Variants in DNAJC24 observed in about 807,000 individuals in gnomAD.
DNAJC24 encodes the protein DnaJ heat shock protein family (Hsp40) member C24.
In DNAJC24, 17 loss-of-function variants were observed where a neutral mutation model predicts 18.0. The observed-to-expected ratio is 0.94, with a 90% CI of 0.65 to 1.42. The LOEUF (loss-of-function observed/expected upper bound fraction) is 1.42, where lower values mean the gene tolerates loss of function less well. Ranked by LOEUF, DNAJC24 falls within the 40% of genes most tolerant of loss-of-function variation. The pLI is 0.00. For synonymous variants in DNAJC24, 55 were observed against 57.7 expected (o/e 0.95, Z 0.21); for missense variants, 158 against 175.6 (o/e 0.90, Z 0.57).
chr11:31,405,442 C>T (rs1011246977), intron 2 of DNAJC24, among the ~76,000 whole-genome samples: 21 of 150,950 alleles, frequency 1.4e-4, no homozygotes, highest in African/African-American at 5.1e-4. Flanking sequence ...CTGTCTTAGT[C>T]CATTTCATGC....
chr11:31,401,817 G>A (rs1952603682), intron 2 of DNAJC24, among the ~76,000 whole-genome samples: 1 of 152,168 alleles, frequency 6.6e-6, no homozygotes, highest in Non-Finnish European at 1.5e-5. Flanking sequence ...GGCCACATAA[G>A]CACACTGAAA....
chr11:31,376,630 A>C (rs911997946), intron 2 of DNAJC24, among the ~76,000 whole-genome samples: 3 of 152,244 alleles, frequency 2.0e-5, no homozygotes, highest in African/African-American at 7.2e-5. Context: ...ACACAGAATT[A>C]GTAAGGGTTA....
chr11:31,389,495 C>G (rs1952466578), intron 2 of DNAJC24, among the ~76,000 whole-genome samples: 2 of 152,118 alleles, frequency 1.3e-5, no homozygotes, highest in African/African-American at 4.8e-5. Flanking sequence ...ATATCTAGAG[C>G]AGCCAGATAT....
At chr11:31,376,848 A>G (rs1173125761) in intron 2 of DNAJC24, among the ~76,000 whole-genome samples, 3 of 152,180 alleles carry the variant, frequency 2.0e-5, no homozygotes, top group African/African-American at 7.2e-5. Flanking sequence ...TAATTTTGAA[A>G]GGATCTAGAT....
intron 2 of DNAJC24, among the ~76,000 whole-genome samples, chr11:31,393,790 T>A (rs1479114972): frequency 1.3e-5 from 2 of 152,172 alleles, no homozygotes; most frequent in Non-Finnish European, 2.9e-5. Flanking sequence ...TAAGACAAGG[T>A]GTAAATTAAT....
chr11:31,385,546 A>G (rs752204126), intron 2 of DNAJC24, among the ~76,000 whole-genome samples: 5 of 152,226 alleles, frequency 3.3e-5, no homozygotes, highest in African/African-American at 4.8e-5. Context: ...ATTGACTCCA[A>G]TCCCCCTGGG....
At position 31,432,695 on chromosome 11, in the gene DNAJC24, G is replaced by A; in HGVS notation, c.*2294G>A. ...CACTTTCTCCTTACTCATCAATCAAGAATAAAATTTTCTACATCAAAGTAA... is the reference window on the plus strand; with the variant it reads ...CACTTTCTCCTTACTCATCAATCAAAAATAAAATTTTCTACATCAAAGTAA... On this transcript the variant is annotated 3_prime_UTR_variant, in exon 5 of 5. Transcript: ENST00000465995. The A allele has an allele frequency of 7.8e-6, 5 of 642,924 alleles. No individual in the cohort carries two copies. The highest frequency in any genetic ancestry group is 2.1e-5 in the South Asian group (1 of 48,212). 39.8% of individuals were successfully genotyped at this position (642,924 alleles called of 1,614,324 possible).
chr11:31,414,768 G>A, intron 2 of DNAJC24, 43 bp from the exon 3 acceptor site: 1 of 1,565,816 alleles, frequency 6.4e-7, no homozygotes, highest in East Asian at 2.3e-5. Context: ...ACCCCACTCA[G>A]CTCTCTCTAC....
chr11:31,420,759 T>C (rs940797401), intron 3 of DNAJC24, among the ~76,000 whole-genome samples: 3 of 152,144 alleles, frequency 2.0e-5, no homozygotes, highest in African/African-American at 7.2e-5. Context: ...CGGGGGGGAA[T>C]TCAAAGCCAT....
chr11:31,404,103 G>C (rs1026598467), intron 2 of DNAJC24, among the ~76,000 whole-genome samples: 1 of 152,156 alleles, frequency 6.6e-6, no homozygotes, highest in African/African-American at 2.4e-5. Flanking sequence ...ATCACCAGAG[G>C]TCACTCTCGT....
At chr11:31,398,598 C>A (rs934421133) in intron 2 of DNAJC24, among the ~76,000 whole-genome samples, 22 of 152,192 alleles carry the variant, frequency 1.4e-4, no homozygotes. Flanking sequence ...TAATCTGTGA[C>A]ATTTTCTTTC....
intron 2 of DNAJC24, among the ~76,000 whole-genome samples, chr11:31,374,906 C>T (rs1209904659): frequency 3.0e-5 from 4 of 135,096 alleles, no homozygotes; most frequent in Admixed American, 7.6e-5. Context: ...TGTCTTTTCT[C>T]TCCTGTTCTT....
At position 31,374,965 on chromosome 11, in the gene DNAJC24, C is replaced by CT. The variant is rs1202946984; in HGVS notation, c.111+4113dup. Among the ~76,000 whole-genome samples the CT allele has an allele frequency of 1.5e-5, 2 of 134,252 alleles. 1 individual carries two copies. The highest frequency in any genetic ancestry group is 3.4e-5 in the Non-Finnish European group (2 of 58,226). 88.1% of individuals were successfully genotyped at this position (134,252 alleles called of 152,430 possible). On this transcript the variant is annotated intron_variant, in intron 2 of 4. Coordinates refer to ENST00000465995, the MANE Select transcript of DNAJC24 (RefSeq NM_181706.5). Reference sequence around the variant, plus strand: ...CCTGTTTGTTCTTACACATTTATGCCTTTTTTTAAAAAATTATTATTCCTT... The same window carrying CT: ...CCTGTTTGTTCTTACACATTTATGCCTTTTTTTTAAAAAATTATTATTCCTT...
intron 2 of DNAJC24, among the ~76,000 whole-genome samples, chr11:31,412,096 A>C (rs1952715543): frequency 6.6e-6 from 1 of 152,188 alleles, no homozygotes; most frequent in South Asian, 2.1e-4. Flanking sequence ...AATTAGGGAA[A>C]GAGATTGAAT....
chr11:31,423,147 C>T (rs577726957), intron 3 of DNAJC24, among the ~76,000 whole-genome samples: 1 of 152,302 alleles, frequency 6.6e-6, no homozygotes, highest in East Asian at 1.9e-4. Flanking sequence ...CAACACACTA[C>T]CTTTAAAACT....
chr11:31,396,533 C>T (rs904482918), intron 2 of DNAJC24: 5 of 220,054 alleles, frequency 2.3e-5, no homozygotes, highest in African/African-American at 1.1e-4. Context: ...AATTTATGTC[C>T]CCTGCTTCCT....
At chr11:31,409,403 T>C (rs1186979188) in intron 2 of DNAJC24, among the ~76,000 whole-genome samples, 1 of 152,186 alleles carries the variant, frequency 6.6e-6, no homozygotes, top group Non-Finnish European at 1.5e-5. Flanking sequence ...TTTCTTAATT[T>C]CCACTACCTG....
rs376957923 is a variant in DNAJC24, at chr11:31,426,079, A to G, written c.251-208A>G. ...AAAACGGGATTGATTTTGACAAAAA[A>G]TTTATAAGAAATGTTATGTTCTAGA... On this transcript the variant is annotated intron_variant, in intron 3 of 4. Coordinates refer to ENST00000465995, the MANE Select transcript of DNAJC24 (RefSeq NM_181706.5). Among the ~76,000 whole-genome samples the G allele has an allele frequency of 9.0e-4, 137 of 152,292 alleles. 4 individuals carry two copies. In the South Asian group the frequency reaches 0.017, roughly 19 times the overall value.
At chr11:31,409,094 C>T (rs931338711) in intron 2 of DNAJC24, among the ~76,000 whole-genome samples, 1 of 152,156 alleles carries the variant, frequency 6.6e-6, no homozygotes, top group Non-Finnish European at 1.5e-5. Flanking sequence ...GTGTGTAATT[C>T]AAGCTTTTCA....
Sources: allele counts gnomAD v4.1 joint callset (sites outside exome capture counted in the v4.1 genomes callset), GRCh38; gene constraint gnomAD v4.1.1; transcripts MANE v1.5; gene names NCBI Gene and HGNC (gene_info 2026-07-23, HGNC 2026-07-21).